CFAP61: variants seen among roughly 807,000 people sequenced by gnomAD.
The protein encoded by CFAP61 is cilia and flagella associated protein 61.
Under a neutral mutation model 135.6 loss-of-function variants are expected in CFAP61, and 107 were observed. The ratio of observed to expected loss-of-function variants is 0.79; its 90% CI spans 0.67 to 0.93. CFAP61 has a LOEUF of 0.93. Ranked by LOEUF, CFAP61 falls within the 40% of genes least tolerant of loss-of-function variation. The probability of loss-of-function intolerance (pLI) is 0.00; values close to 1 mark genes in which losing one functional copy is unlikely to be tolerated. For synonymous variants in CFAP61, 575 were observed against 578.5 expected, an observed-to-expected ratio of 0.99 and a Z score of 0.09; for missense variants, 1,507 against 1,556.2, an observed-to-expected ratio of 0.97 and a Z score of 0.53.
At chr20:20,309,067 G>A (rs915752271) in intron 25 of CFAP61, among the ~76,000 whole-genome samples, 4 of 152,182 alleles carry the variant, frequency 2.6e-5, no homozygotes, top group African/African-American at 7.2e-5. Flanking sequence ...TGGCCTGCCT[G>A]CCTAAATTTT....
At chr20:20,053,231 G>T (rs1158873827) in intron 1 of CFAP61, among the ~76,000 whole-genome samples, 4 of 150,240 alleles carry the variant, frequency 2.7e-5, no homozygotes, top group South Asian at 2.1e-4. Context: ...AAGGTTAAGA[G>T]AATTTTTTTT....
intron 20 of CFAP61, chr20:20,259,585 T>G (rs900358936): frequency 2.0e-5 from 3 of 152,120 alleles, no homozygotes; most frequent in African/African-American, 7.2e-5. Flanking sequence ...CTTTCTATTT[T>G]TAATGTGTGG....
intron 25 of CFAP61, among the ~76,000 whole-genome samples, chr20:20,301,355 G>A (rs1335856577): frequency 1.3e-5 from 2 of 152,210 alleles, no homozygotes; most frequent in African/African-American, 2.4e-5. Context: ...ATATAGGCCA[G>A]GTGTGTAGTA....
chr20:20,275,009 T>A (rs1432349410), intron 21 of CFAP61, among the ~76,000 whole-genome samples: 1 of 134,442 alleles, frequency 7.4e-6, no homozygotes, highest in Non-Finnish European at 1.6e-5. Context: ...AGAGTGGACG[T>A]CCTCACTCCC....
chr20:20,122,301 G>A (rs544586398), intron 8 of CFAP61, among the ~76,000 whole-genome samples: 4 of 152,202 alleles, frequency 2.6e-5, no homozygotes, highest in South Asian at 4.1e-4. Context: ...GACTACAGGG[G>A]TGCACCACCA....
chr20:20,292,898 C>A (rs1257726238), intron 24 of CFAP61, among the ~76,000 whole-genome samples: 1 of 152,146 alleles, frequency 6.6e-6, no homozygotes, highest in African/African-American at 2.4e-5. Context: ...GTCACAGCAA[C>A]CACCGAGATT....
intron 6 of CFAP61, among the ~76,000 whole-genome samples, chr20:20,089,693 A>T (rs1383737901): frequency 6.6e-6 from 1 of 152,132 alleles, no homozygotes; most frequent in Non-Finnish European, 1.5e-5. Context: ...TAAATCCTGC[A>T]GCAAGATGGA....
chr20:20,289,116 T>A (rs909537605), intron 23 of CFAP61, among the ~76,000 whole-genome samples, 180 bp downstream of exon 23: 1 of 152,140 alleles, frequency 6.6e-6, no homozygotes. Flanking sequence ...AAACCTGGAA[T>A]TATTGTTATT....
intron 15 of CFAP61, among the ~76,000 whole-genome samples, chr20:20,194,663 G>A (rs1402248144): frequency 6.6e-6 from 1 of 152,108 alleles, no homozygotes; most frequent in Admixed American, 6.5e-5. Context: ...TTTCTCCATG[G>A]CATCTCCCCT....
intron 20 of CFAP61, among the ~76,000 whole-genome samples, chr20:20,252,797 C>T (rs1371147941): frequency 6.6e-6 from 1 of 152,226 alleles, no homozygotes; most frequent in African/African-American, 2.4e-5. Flanking sequence ...GGTGTTGCCA[C>T]AGAATGTGCT....
intron 22 of CFAP61, among the ~76,000 whole-genome samples, chr20:20,282,402 G>A (rs571963823): frequency 4.6e-5 from 7 of 151,958 alleles, no homozygotes; most frequent in Non-Finnish European, 1.0e-4. Flanking sequence ...GCCTTAAGTC[G>A]TTGATTTATA....
intron 8 of CFAP61, among the ~76,000 whole-genome samples, chr20:20,120,482 G>A (rs2049525805): frequency 6.6e-6 from 1 of 152,172 alleles, no homozygotes; most frequent in Non-Finnish European, 1.5e-5. Flanking sequence ...ATTGTGGTCA[G>A]AAGAAATACT....
At chr20:20,330,227 A>C (rs940305211) in intron 25 of CFAP61, among the ~76,000 whole-genome samples, 1 of 152,230 alleles carries the variant, frequency 6.6e-6, no homozygotes, top group Non-Finnish European at 1.5e-5. Flanking sequence ...TTCCACATTT[A>C]GTCAATACAA....
intron 21 of CFAP61, among the ~76,000 whole-genome samples, chr20:20,271,423 CT>C (rs1394520685): frequency 2.6e-5 from 4 of 152,242 alleles, no homozygotes; most frequent in African/African-American, 9.6e-5. Context: ...TGCATCATCA[CT>C]TTCCGTCTCT....
At chr20:20,155,670 G>C (rs890517641) in intron 9 of CFAP61, among the ~76,000 whole-genome samples, 3 of 152,230 alleles carry the variant, frequency 2.0e-5, no homozygotes, top group African/African-American at 7.2e-5. Context: ...ACGAAAAAAT[G>C]CTCAACACCA....
chr20:20,080,495 T>C (rs1207736778), intron 6 of CFAP61, among the ~76,000 whole-genome samples: 1 of 152,220 alleles, frequency 6.6e-6, no homozygotes, highest in Non-Finnish European at 1.5e-5. Context: ...GTAAACAGCA[T>C]TGTACATATA....
At chr20:20,353,105 A>G (rs2058906290) in intron 26 of CFAP61, among the ~76,000 whole-genome samples, 1 of 152,220 alleles carries the variant, frequency 6.6e-6, no homozygotes, top group Non-Finnish European at 1.5e-5. Context: ...AAGAAGACAT[A>G]CAGTAGGTCC....
chr20:20,282,911 C>T (rs926126868), intron 22 of CFAP61, among the ~76,000 whole-genome samples: 1 of 149,308 alleles, frequency 6.7e-6, no homozygotes. Flanking sequence ...TGCACTCTAG[C>T]CTGGGCGACA....
chr20:20,110,242 T>C (rs2048708522), intron 8 of CFAP61, among the ~76,000 whole-genome samples: 1 of 152,036 alleles, frequency 6.6e-6, no homozygotes, highest in South Asian at 2.1e-4. Flanking sequence ...GGTGGGGGCC[T>C]GCAAATTGAC....
Sources: gnomAD v4.1 joint callset for allele counts (sites outside exome capture counted in the v4.1 genomes callset) on GRCh38, gnomAD v4.1.1 for gene constraint, MANE v1.5 for transcripts, NCBI Gene and HGNC (gene_info 2026-07-23, HGNC 2026-07-21) for gene names.